Variants in LRRC4C observed in about 807,000 individuals in gnomAD.
LRRC4C encodes leucine-rich repeat-containing protein 4C.
A neutral mutation model predicts 33.6 loss-of-function variants in LRRC4C; 5 were observed. The ratio of observed to expected loss-of-function variants is 0.15; its 90% CI spans 0.08 to 0.31. The LOEUF (loss-of-function observed/expected upper bound fraction) is 0.31. Among genes scored for constraint, LRRC4C ranks in the 10% least tolerant of loss-of-function variants. The pLI, the probability that LRRC4C is intolerant of heterozygous loss-of-function variation, is 1.00. For missense variants in LRRC4C, 560 were observed against 796.7 expected (o/e 0.70, Z 3.58); for synonymous variants, 329 against 302.0 (o/e 1.09, Z -0.93).
intron 1 of LRRC4C, among the ~76,000 whole-genome samples, chr11:40,960,292 T>A (rs966508615): frequency 6.6e-6 from 1 of 151,814 alleles, no homozygotes; most frequent in African/African-American, 2.4e-5. Context: ...TTTTGATACA[T>A]CACCAAGATA....
intron 3 of LRRC4C, among the ~76,000 whole-genome samples, chr11:40,582,513 G>GTTTTTT (rs35497785): frequency 8.7e-6 from 1 of 115,606 alleles, no homozygotes; most frequent in Admixed American, 9.4e-5. Context: ...CCCTTGTTCA[G>GTTTTTT]TTTTTTTTTT....
At chr11:40,618,070 C>A (rs1231758215) in intron 3 of LRRC4C, among the ~76,000 whole-genome samples, 1 of 151,568 alleles carries the variant, frequency 6.6e-6, no homozygotes, top group Non-Finnish European at 1.5e-5. Flanking sequence ...TTTGAACCAG[C>A]GTGAATTAGG....
chr11:40,844,451 T>C (rs1953064514), intron 2 of LRRC4C, among the ~76,000 whole-genome samples: 1 of 151,998 alleles, frequency 6.6e-6, no homozygotes, highest in South Asian at 2.1e-4. Context: ...AGACAGAAAA[T>C]GAAATGGGCC....
chr11:40,378,252 G>C (rs140061628), intron 3 of LRRC4C, among the ~76,000 whole-genome samples: 2,081 of 152,022 alleles, frequency 0.014, 22 homozygotes, highest in Non-Finnish European at 0.022. Flanking sequence ...GGTGTTTAAT[G>C]GATTAACTTA....
At chr11:41,397,660 T>C (rs1953871217) in intron 1 of LRRC4C, among the ~76,000 whole-genome samples, 1 of 129,616 alleles carries the variant, frequency 7.7e-6, no homozygotes, top group East Asian at 2.4e-4. Flanking sequence ...GGGTCAACAG[T>C]AAATGTGAAC....
intron 5 of LRRC4C, among the ~76,000 whole-genome samples, chr11:40,199,362 C>A (rs1010754787): frequency 6.6e-6 from 1 of 152,096 alleles, no homozygotes; most frequent in East Asian, 1.9e-4. Context: ...TGAACCACTG[C>A]GCCCAGCCTG....
chr11:41,416,978 C>T lies in LRRC4C; in HGVS notation c.-496+42453G>A, dbSNP rs138612856. On this transcript the variant is annotated intron_variant, in intron 1 of 6. Transcript: ENST00000528697. ...ATTTCCCCAATGAAAATAAAGGATT[C>T]CTAATTCCAGATGGAAAGCATTTTG... Among the ~76,000 whole-genome samples the T allele has an allele frequency of 6.4e-4, 98 of 152,036 alleles. No individual in the cohort carries two copies. The East Asian group carries it at 0.018, about 28-fold the overall frequency.
chr11:40,222,556 A>AT (rs1864495300), intron 5 of LRRC4C, among the ~76,000 whole-genome samples: 1 of 152,212 alleles, frequency 6.6e-6, no homozygotes, highest in African/African-American at 2.4e-5. Context: ...TTGATGTGCT[A>AT]TAACACATTT....
chr11:41,021,191 GAGAGAGAGAGAGA>G, intron 1 of LRRC4C, among the ~76,000 whole-genome samples: 1 of 148,212 alleles, frequency 6.7e-6, no homozygotes, highest in African/African-American at 2.5e-5. Flanking sequence ...GAGAGAGAGA[GAGAGAGAGAGAGA>G]GAGAGAGAGA....
intron 1 of LRRC4C, among the ~76,000 whole-genome samples, chr11:41,294,620 C>A (rs2922053): frequency 0.78 from 118,025 of 152,116 alleles, 46,813 homozygotes; most frequent in Admixed American, 0.86. Flanking sequence ...CATATTATCC[C>A]ATTTCTTTAA....
At chr11:41,068,270 A>G (rs889955707) in intron 1 of LRRC4C, among the ~76,000 whole-genome samples, 1 of 152,012 alleles carries the variant, frequency 6.6e-6, no homozygotes. Context: ...GCAAGTTCCT[A>G]TAATTCCAGC....
chr11:40,473,189 A>G (rs11823067), intron 3 of LRRC4C, among the ~76,000 whole-genome samples: 3,709 of 152,318 alleles, frequency 0.024, 153 homozygotes, highest in African/African-American at 0.084. Flanking sequence ...ATGAACATCA[A>G]TGCAAAAACC....
chr11:41,080,579 C>T (rs747799095), intron 1 of LRRC4C, among the ~76,000 whole-genome samples: 9 of 152,024 alleles, frequency 5.9e-5, no homozygotes, highest in Non-Finnish European at 1.3e-4. Context: ...TCTCGAACTC[C>T]CGACCTCAGG....
At chr11:40,683,468 G>C (rs1944802388) in intron 2 of LRRC4C, among the ~76,000 whole-genome samples, 1 of 152,078 alleles carries the variant, frequency 6.6e-6, no homozygotes, top group African/African-American at 2.4e-5. Context: ...AAGTAAACTT[G>C]AAAATTCTGC....
intron 5 of LRRC4C, among the ~76,000 whole-genome samples, chr11:40,202,972 CT>C (rs985165502): frequency 3.9e-5 from 6 of 152,022 alleles, no homozygotes; most frequent in South Asian, 2.1e-4. Flanking sequence ...CATCTATTTA[CT>C]TTTTTTTGTC....
intron 3 of LRRC4C, among the ~76,000 whole-genome samples, chr11:40,324,983 T>C (rs2136888571): frequency 6.6e-6 from 1 of 152,322 alleles, no homozygotes; most frequent in African/African-American, 2.4e-5. Context: ...TACACAAAGA[T>C]TAACCCAGTG....
intron 1 of LRRC4C, among the ~76,000 whole-genome samples, chr11:41,075,661 T>A (rs994519372): frequency 2.0e-5 from 3 of 152,174 alleles, no homozygotes; most frequent in African/African-American, 7.2e-5. Flanking sequence ...TAATTTCACA[T>A]CTCCTAATCA....
At chr11:41,047,523 C>G (rs1391798650) in intron 1 of LRRC4C, among the ~76,000 whole-genome samples, 1 of 152,018 alleles carries the variant, frequency 6.6e-6, no homozygotes, top group Non-Finnish European at 1.5e-5. Flanking sequence ...AACTAACAAA[C>G]TTTACATATA....
intron 3 of LRRC4C, among the ~76,000 whole-genome samples, chr11:40,415,876 T>G (rs1337210911): frequency 2.0e-5 from 3 of 152,188 alleles, no homozygotes; most frequent in Admixed American, 1.3e-4. Flanking sequence ...TTGTGCAACA[T>G]TGCCACTAAT....
Sources: allele counts gnomAD v4.1 joint callset (sites outside exome capture counted in the v4.1 genomes callset), GRCh38; gene constraint gnomAD v4.1.1; transcripts MANE v1.5; gene names NCBI Gene and HGNC (gene_info 2026-07-23, HGNC 2026-07-21).